Variants in SMCHD1 observed in about 807,000 individuals in gnomAD.
SMCHD1 encodes the protein structural maintenance of chromosomes flexible hinge domain containing 1, also known as structural maintenance of chromosomes flexible hinge domain-containing protein 1.
SMCHD1 carries 78 observed loss-of-function variants against 254.7 expected under a neutral mutation model. The ratio of observed to expected loss-of-function variants is 0.31; its 90% CI spans 0.26 to 0.37. The LOEUF (loss-of-function observed/expected upper bound fraction) is 0.37. Among genes scored for constraint, SMCHD1 ranks in the 10% least tolerant of loss-of-function variants. The pLI, the probability that SMCHD1 is intolerant of heterozygous loss-of-function variation, is 1.00. For synonymous variants in SMCHD1, 766 were observed against 794.9 expected (o/e 0.96, Z 0.61); for missense variants, 1,840 against 2,408.1 (o/e 0.76, Z 4.94).
At chr18:2,795,370 T>C (rs1012591079) in intron 45 of SMCHD1, among the ~76,000 whole-genome samples, 1 of 152,250 alleles carries the variant, frequency 6.6e-6, no homozygotes, top group Non-Finnish European at 1.5e-5. Context: ...AAAAATTCTG[T>C]GTTTAAAAAT....
At chr18:2,725,042 A>G in intron 21 of SMCHD1, 47 bp downstream of exon 21, 1 of 1,111,308 alleles carries the variant, frequency 9.0e-7, no homozygotes. Flanking sequence ...GTATTTATTT[A>G]TCATATGGTA....
intron 1 of SMCHD1, among the ~76,000 whole-genome samples, chr18:2,662,165 C>CA (rs748303423): frequency 0.18 from 10,247 of 57,512 alleles, 1,163 homozygotes; most frequent in African/African-American, 0.37. Flanking sequence ...GACTCCGTCT[C>CA]AAAAAAAAAA....
chr18:2,694,673 C>T lies in SMCHD1; in HGVS notation c.1020C>T (p.His340=). ...TACAGTACTTGAAAAATTATTTCCACCTTTGGACACGACAGTTAGCGTAAG... is the reference window on the plus strand; with the variant it reads ...TACAGTACTTGAAAAATTATTTCCATCTTTGGACACGACAGTTAGCGTAAG... ...EHIQYLKNYF[H]LWTRQLAHIY... The change falls in exon 8 of 48, where the codon CAC becomes CAT. Residue 340 remains histidine (H), a synonymous_variant. Coordinates refer to ENST00000320876, the MANE Select transcript of SMCHD1 (RefSeq NM_015295.3). 6.2e-7 allele frequency: 1 copy of T among 1,611,786 alleles called. No homozygotes were observed. The highest frequency in any genetic ancestry group is 8.5e-7 in the Non-Finnish European group (1 of 1,179,288).
At chr18:2,750,143 AGTT>A in intron 31 of SMCHD1, 21 bp downstream of exon 31, 2 of 1,564,888 alleles carry the variant, frequency 1.3e-6, no homozygotes, top group Non-Finnish European at 1.7e-6. Context: ...AAAGTTTGAT[AGTT>A]GTTGGTGTTA....
chr18:2,741,795 C>A (rs1044400848), intron 28 of SMCHD1, among the ~76,000 whole-genome samples: 2 of 152,160 alleles, frequency 1.3e-5, no homozygotes, highest in African/African-American at 4.8e-5. Context: ...TAAATTATAA[C>A]CTGTCTTCCT....
intron 45 of SMCHD1, among the ~76,000 whole-genome samples, chr18:2,793,264 T>G (rs930567846): frequency 6.6e-6 from 1 of 152,166 alleles, no homozygotes; most frequent in Non-Finnish European, 1.5e-5. Context: ...TTTTGTGGTG[T>G]TTCTAGTAGC....
At chr18:2,784,211 T>A (rs1466979628) in intron 44 of SMCHD1, among the ~76,000 whole-genome samples, 1 of 152,222 alleles carries the variant, frequency 6.6e-6, no homozygotes. Flanking sequence ...CATCATTTAC[T>A]TTTTTCACTT....
chr18:2,661,189 G>A (rs1047426096), intron 1 of SMCHD1, among the ~76,000 whole-genome samples: 1 of 152,150 alleles, frequency 6.6e-6, no homozygotes. Flanking sequence ...AGGGTAAGAG[G>A]CAAGGAGAGG....
chr18:2,798,330 G>A (rs968543182), intron 47 of SMCHD1, among the ~76,000 whole-genome samples: 7 of 152,198 alleles, frequency 4.6e-5, no homozygotes, highest in Non-Finnish European at 7.3e-5. Flanking sequence ...GGTGTATACA[G>A]ACTATTAAGC....
chr18:2,672,641 A>T (rs2073642311), intron 3 of SMCHD1, among the ~76,000 whole-genome samples: 1 of 152,232 alleles, frequency 6.6e-6, no homozygotes, highest in Admixed American at 6.5e-5. Flanking sequence ...AGCAGGAAAT[A>T]GTGTGAATAG....
At chr18:2,738,301 A>C (rs1401021218) in intron 25 of SMCHD1, 96 bp from the exon 26 acceptor site, 2 of 1,153,222 alleles carry the variant, frequency 1.7e-6, no homozygotes, top group Non-Finnish European at 2.3e-6. Context: ...GGGGTGAAGA[A>C]GACGGATTAT....
intron 3 of SMCHD1, among the ~76,000 whole-genome samples, chr18:2,672,161 T>G (rs2073624572): frequency 6.6e-6 from 1 of 152,218 alleles, no homozygotes; most frequent in Non-Finnish European, 1.5e-5. Flanking sequence ...GCAATTCGTT[T>G]ATAAACATAG....
intron 20 of SMCHD1, among the ~76,000 whole-genome samples, chr18:2,724,398 C>T (rs1025785919): frequency 4.6e-5 from 7 of 151,726 alleles, no homozygotes; most frequent in African/African-American, 7.3e-5. Flanking sequence ...GTGATGTCTT[C>T]GGTTTATGTC....
intron 4 of SMCHD1, among the ~76,000 whole-genome samples, 168 bp downstream of exon 4, chr18:2,673,531 G>A (rs1039544759): frequency 9.9e-5 from 15 of 152,008 alleles, no homozygotes; most frequent in African/African-American, 3.6e-4. Flanking sequence ...ATGCATATAT[G>A]TATACATGTA....
rs1017630458 is a variant in SMCHD1 at position 2,673,288 on chromosome 18, T to A, written c.432T>A (p.Ala144=). The change falls in exon 4 of 48, where the codon GCT becomes GCA. Residue 144 remains alanine, a synonymous_variant. Coordinates refer to ENST00000320876, the MANE Select transcript of SMCHD1 (RefSeq NM_015295.3). The part of the protein sequence containing the change: ...ASEGQNPLPF[A]LAELIDNSLS... The stretch of plus-strand genomic sequence containing the variant: ...TTTCTTGATCTCTTGCAGCATTTGC[T>A]CTTGCGGAATTAATTGACAATTCAT... The A allele has an allele frequency of 1.3e-6, 2 of 1,595,500 alleles. No individual in the cohort carries two copies. The highest frequency in any genetic ancestry group is 1.7e-6 in the Non-Finnish European group (2 of 1,166,878).
chr18:2,718,599 A>C lies in SMCHD1; in HGVS notation c.2458+165A>C, dbSNP rs752231852. On this transcript the variant is annotated intron_variant, in intron 19 of 47. Coordinates refer to ENST00000320876, the MANE Select transcript of SMCHD1 (RefSeq NM_015295.3). This position sits in a 1 kb window ranked among gnomAD's most constrained non-coding sequence, Gnocchi z 4.6. ...GAGATGGGGTCTCATTCTGTCACCCAGGCTGGAGTGCAGTGGCACAATCTC... is the reference window on the plus strand; with the variant it reads ...GAGATGGGGTCTCATTCTGTCACCCCGGCTGGAGTGCAGTGGCACAATCTC... Among the ~76,000 whole-genome samples, 1 of 152,204 alleles carries C rather than the reference A, an allele frequency of 6.6e-6. No homozygotes were observed. The highest frequency in any genetic ancestry group is 1.5e-5 in the Non-Finnish European group (1 of 68,042).
intron 20 of SMCHD1, among the ~76,000 whole-genome samples, chr18:2,723,762 A>T (rs767964925): frequency 1.1e-4 from 17 of 152,200 alleles, no homozygotes; most frequent in Non-Finnish European, 1.9e-4. Flanking sequence ...CATCTGCCAG[A>T]GGCAGAGAGG....
intron 34 of SMCHD1, 118 bp downstream of exon 34, chr18:2,752,670 G>A: frequency 1.5e-6 from 1 of 657,714 alleles, no homozygotes. Context: ...AGAAATGTTA[G>A]TGTCTCTAAA....
chr18:2,705,724 T>C lies in SMCHD1; in HGVS notation c.1873T>C (p.Tyr625His), dbSNP rs1350897261. 7 of 1,604,484 alleles carry C rather than the reference T, an allele frequency of 4.4e-6. No homozygotes were observed. The African/African-American group carries it at 6.7e-5, about 15-fold the overall frequency. The change falls in exon 14 of 48, where the codon TAT becomes CAT. Residue 625 changes from tyrosine to histidine, a missense_variant. By Grantham distance (83) the Tyr-to-His change is moderately conservative. Coordinates refer to ENST00000320876, the MANE Select transcript of SMCHD1 (RefSeq NM_015295.3). ...VKTIKTLPLF[Y>H]GSIVRFFLYG... ...GACAATCAAGACACTTCCCCTCTTT[T>C]ATGGAAGCATAGTAAGATTTTTTCT... is the stretch of plus-strand genomic sequence containing the variant.
Sources: allele counts gnomAD v4.1 joint callset (sites outside exome capture counted in the v4.1 genomes callset), GRCh38; gene constraint gnomAD v4.1.1; non-coding constraint Gnocchi (gnomAD v3.1); transcripts MANE v1.5; gene names NCBI Gene and HGNC (gene_info 2026-07-23, HGNC 2026-07-21).